The following WDR72 variants were observed in gnomAD, a reference collection of about 807,000 sequenced individuals.
WDR72 encodes the protein WD repeat-containing protein 72.
In WDR72, 120 loss-of-function variants were observed where a neutral mutation model predicts 124.2. The ratio of observed to expected loss-of-function variants is 0.97; its 90% CI spans 0.83 to 1.12. The LOEUF is 1.12. Among genes scored for constraint, WDR72 ranks in the 50% most tolerant of loss-of-function variants. The probability of loss-of-function intolerance (pLI) is 0.00; values close to 1 mark genes in which losing one functional copy is unlikely to be tolerated. For synonymous variants in WDR72, 452 were observed against 441.7 expected, an observed-to-expected ratio of 1.02 and a Z score of -0.29; for missense variants, 1,387 against 1,278.8, an observed-to-expected ratio of 1.08 and a Z score of -1.29.
At chr15:53,649,483 C>T (rs1381513948) in intron 14 of WDR72, among the ~76,000 whole-genome samples, 1 of 152,020 alleles carries the variant, frequency 6.6e-6, no homozygotes, top group Non-Finnish European at 1.5e-5. Context: ...AAAGAGGACC[C>T]TATCTTAAGT....
At chr15:53,680,783 C>A (rs1317309233) in intron 13 of WDR72, among the ~76,000 whole-genome samples, 5 of 152,150 alleles carry the variant, frequency 3.3e-5, no homozygotes, top group Admixed American at 1.3e-4. Context: ...TCAGATGCTC[C>A]AAGGGCTGAA....
intron 18 of WDR72, among the ~76,000 whole-genome samples, chr15:53,582,434 C>T (rs920437035): frequency 1.3e-4 from 19 of 151,946 alleles, no homozygotes; most frequent in African/African-American, 4.6e-4. Context: ...AGGGTGGCGC[C>T]TGCACAATTT....
At chr15:53,622,204 G>T (rs2014023392) in intron 14 of WDR72, among the ~76,000 whole-genome samples, 1 of 152,144 alleles carries the variant, frequency 6.6e-6, no homozygotes, top group African/African-American at 2.4e-5. Context: ...AACCACTGAG[G>T]AAGACACTGT....
intron 13 of WDR72, among the ~76,000 whole-genome samples, chr15:53,697,901 C>T (rs1301139924): frequency 7.9e-5 from 12 of 152,056 alleles, no homozygotes; most frequent in African/African-American, 9.7e-5. Context: ...CTCCGCCTCC[C>T]GGGTTCACGC....
At chr15:53,736,616 A>T (rs1233390991) in intron 1 of WDR72, among the ~76,000 whole-genome samples, 2 of 152,176 alleles carry the variant, frequency 1.3e-5, no homozygotes, top group African/African-American at 4.8e-5. Flanking sequence ...GAAGGCATGC[A>T]CACTGAGGGG....
chr15:53,574,335 C>T (rs908980131), intron 18 of WDR72, among the ~76,000 whole-genome samples: 1 of 152,110 alleles, frequency 6.6e-6, no homozygotes, highest in Non-Finnish European at 1.5e-5. Flanking sequence ...TCAAAACTAT[C>T]TTTTAACTTA....
intron 14 of WDR72, among the ~76,000 whole-genome samples, chr15:53,641,286 T>C (rs2014839901): frequency 6.6e-6 from 1 of 152,024 alleles, no homozygotes; most frequent in Admixed American, 6.6e-5. Flanking sequence ...GGACCATCTT[T>C]TTTTTCCCCA....
chr15:53,720,556 G>C (rs947757499), intron 3 of WDR72, among the ~76,000 whole-genome samples: 1 of 152,070 alleles, frequency 6.6e-6, no homozygotes, highest in South Asian at 2.1e-4. Context: ...TTGTCTGAAG[G>C]TTTATTATTT....
Position 53,714,446 on chromosome 15 carries a change from G to T in WDR72, c.579C>A (p.Ile193=). Residue 193 remains isoleucine, a synonymous_variant, in exon 6 of 20, where the codon ATC becomes ATA. Transcript: ENST00000360509. ...ELKVWDLSSS[I]NSIQEKQDVY... The stretch of plus-strand genomic sequence containing the variant: ...TTCCCAAGCCAACCTGAATGCTGTT[G>T]ATAGATGAGGAAAGATCCCATACTT... 6.2e-7 allele frequency: 1 copy of T among 1,613,580 alleles called. No individual in the cohort carries two copies. Among genetic ancestry groups the T allele is most frequent in the Non-Finnish European group, 8.5e-7 (1 of 1,179,680 alleles).
chr15:53,754,368 G>T (rs1201463526), intron 1 of WDR72, among the ~76,000 whole-genome samples: 4 of 152,080 alleles, frequency 2.6e-5, no homozygotes, highest in Non-Finnish European at 5.9e-5. Context: ...AGGTAGCAGA[G>T]GGAGACACGA....
At chr15:53,620,015 C>T (rs2013925373) in intron 14 of WDR72, among the ~76,000 whole-genome samples, 1 of 151,934 alleles carries the variant, frequency 6.6e-6, no homozygotes, top group South Asian at 2.1e-4. Flanking sequence ...TTATACACTG[C>T]AAGATTAGTG....
At chr15:53,525,439 T>A (rs145788983) in intron 18 of WDR72, among the ~76,000 whole-genome samples, 1 of 152,072 alleles carries the variant, frequency 6.6e-6, no homozygotes, top group Admixed American at 6.6e-5. Flanking sequence ...TTTCATAATT[T>A]AAAAAATTCC....
At chr15:53,614,012 T>A (rs1285031489) in intron 15 of WDR72, among the ~76,000 whole-genome samples, 1 of 152,088 alleles carries the variant, frequency 6.6e-6, no homozygotes, top group Non-Finnish European at 1.5e-5. Context: ...ACATCTTAGT[T>A]TGCCAGAATT....
At chr15:53,691,600 TAGACAGAC>T (rs140193304) in intron 13 of WDR72, among the ~76,000 whole-genome samples, 22 of 137,378 alleles carry the variant, frequency 1.6e-4, no homozygotes, top group Non-Finnish European at 2.0e-4. Flanking sequence ...TGTAAAATGA[TAGACAGAC>T]AGACAGACAG....
intron 18 of WDR72, among the ~76,000 whole-genome samples, 156 bp downstream of exon 18, chr15:53,596,923 A>G (rs987388909): frequency 1.3e-5 from 2 of 152,178 alleles, no homozygotes; most frequent in South Asian, 4.1e-4. Flanking sequence ...GTTTAGCCAG[A>G]TATAACCCCA....
At chr15:53,565,176 G>A (rs1488269499) in intron 18 of WDR72, among the ~76,000 whole-genome samples, 1 of 151,850 alleles carries the variant, frequency 6.6e-6, no homozygotes, top group African/African-American at 2.4e-5. Context: ...CCCAGCAAGG[G>A]AACCTCATGA....
intron 2 of WDR72, among the ~76,000 whole-genome samples, chr15:53,729,959 A>T (rs1439248533): frequency 2.0e-5 from 3 of 152,178 alleles, no homozygotes; most frequent in Non-Finnish European, 4.4e-5. Flanking sequence ...ATTATGTGTC[A>T]ATTAAAAATA....
At chr15:53,617,285 T>C (rs1425815529) in intron 14 of WDR72, among the ~76,000 whole-genome samples, 1 of 151,736 alleles carries the variant, frequency 6.6e-6, no homozygotes, top group Non-Finnish European at 1.5e-5. Context: ...AACATGTAAA[T>C]ACAAATAAAT....
chr15:53,647,293 C>T (rs1468572019), intron 14 of WDR72, among the ~76,000 whole-genome samples: 2 of 151,920 alleles, frequency 1.3e-5, no homozygotes, highest in Non-Finnish European at 2.9e-5. Context: ...AAGCAAAGGA[C>T]ATTTGAAAGA....
Sources: allele counts gnomAD v4.1 joint callset (sites outside exome capture counted in the v4.1 genomes callset), GRCh38; gene constraint gnomAD v4.1.1; transcripts MANE v1.5; gene names NCBI Gene and HGNC (gene_info 2026-07-23, HGNC 2026-07-21).